Variants in PRP4K observed in about 807,000 individuals in gnomAD.
PRP4K encodes serine/threonine-protein kinase PRP4 homolog.
the PRP4K span, chr6:4,044,043 G>C: frequency 6.2e-7 from 1 of 1,603,448 alleles, no homozygotes; most frequent in Non-Finnish European, 8.5e-7. Flanking sequence ...TTTTGTCCTG[G>C]CGACGCTTTT....
the PRP4K span, among the ~76,000 whole-genome samples, chr6:4,054,460 A>AT: frequency 0.6 from 91,010 of 151,910 alleles, 28,873 homozygotes; most frequent in East Asian, 0.77. Context: ...TGGTAGGTAC[A>AT]TTAAAAATGA....
chr6:4,058,171 C>T, the PRP4K span, among the ~76,000 whole-genome samples: 1 of 152,086 alleles, frequency 6.6e-6, no homozygotes, highest in Non-Finnish European at 1.5e-5. Context: ...CCACCACAAC[C>T]AGTTAATTTA....
chr6:4,028,978 T>C, the PRP4K span, among the ~76,000 whole-genome samples: 1 of 140,628 alleles, frequency 7.1e-6, no homozygotes, highest in Non-Finnish European at 1.6e-5. Flanking sequence ...CCATATATTA[T>C]CTTGTTATCT....
At chr6:4,021,368 C>G in the PRP4K span, 2 of 1,552,618 alleles carry the variant, frequency 1.3e-6, no homozygotes, top group East Asian at 2.4e-5. Context: ...TCCACTTCCC[C>G]TACCCTCCAC....
the PRP4K span, among the ~76,000 whole-genome samples, chr6:4,054,695 G>A: frequency 2.0e-5 from 3 of 152,074 alleles, no homozygotes; most frequent in African/African-American, 7.2e-5. Flanking sequence ...TAGTAGAGAC[G>A]GGGTTTCACC....
the PRP4K span, among the ~76,000 whole-genome samples, chr6:4,028,199 G>A: frequency 6.6e-6 from 1 of 151,988 alleles, no homozygotes; most frequent in African/African-American, 2.4e-5. Flanking sequence ...TTTGTTTTTT[G>A]TGTGTGTTTG....
chr6:4,032,749 C>T, the PRP4K span: 1 of 1,565,898 alleles, frequency 6.4e-7, no homozygotes, highest in Non-Finnish European at 8.6e-7. Flanking sequence ...CGACTTTCTT[C>T]TCCAAGGTAA....
chr6:4,059,428 C>G, the PRP4K span, among the ~76,000 whole-genome samples: 1 of 152,148 alleles, frequency 6.6e-6, no homozygotes, highest in Middle Eastern at 3.2e-3. Flanking sequence ...TCTGTATGAG[C>G]CTTTTGAAAA....
chr6:4,043,361 CA>C, the PRP4K span, among the ~76,000 whole-genome samples: 1 of 152,140 alleles, frequency 6.6e-6, no homozygotes, highest in Non-Finnish European at 1.5e-5. Context: ...TGCTCAGGTC[CA>C]CAACCCCTTA....
the PRP4K span, chr6:4,053,001 A>G: frequency 3.8e-6 from 3 of 799,874 alleles, no homozygotes; most frequent in African/African-American, 5.4e-5. Context: ...ACCTATTTCA[A>G]ATGACTAATA....
At chr6:4,042,550 A>C in the PRP4K span, 32 of 1,607,822 alleles carry the variant, frequency 2.0e-5, no homozygotes, top group Non-Finnish European at 2.7e-5. Flanking sequence ...GAAGAATCCA[A>C]AGGCAGGCAA....
At chr6:4,052,943 A>G in the PRP4K span, 1 of 1,372,460 alleles carries the variant, frequency 7.3e-7, no homozygotes, top group Non-Finnish European at 9.8e-7. Context: ...CAGTAATATT[A>G]TTACTATGAG....
the PRP4K span, chr6:4,049,657 G>T: frequency 2.1e-6 from 3 of 1,410,988 alleles, no homozygotes; most frequent in South Asian, 2.6e-5. Flanking sequence ...ATTTTTAAAT[G>T]ACTGCACTGT....
At chr6:4,030,513 G>C in the PRP4K span, among the ~76,000 whole-genome samples, 1 of 152,176 alleles carries the variant, frequency 6.6e-6, no homozygotes, top group Non-Finnish European at 1.5e-5. Context: ...CTTTTAAAGA[G>C]AAAGTTAAAT....
At chr6:4,049,110 A>T in the PRP4K span, 7 of 1,600,654 alleles carry the variant, frequency 4.4e-6, no homozygotes, top group Non-Finnish European at 6.0e-6. Flanking sequence ...TATTATCGTA[A>T]GTTCACATTT....
chr6:4,058,673 TTAG>T, the PRP4K span: 4 of 1,244,622 alleles, frequency 3.2e-6, no homozygotes, highest in Non-Finnish European at 3.5e-6. Context: ...AATTAAATTG[TTAG>T]TAGGCCTGTT....
the PRP4K span, chr6:4,056,267 T>G: frequency 1.6e-6 from 2 of 1,253,766 alleles, no homozygotes; most frequent in Non-Finnish European, 1.1e-6. Flanking sequence ...TTTTATTTAT[T>G]TGTATTAATT....
the PRP4K span, among the ~76,000 whole-genome samples, chr6:4,040,487 A>G: frequency 1.3e-5 from 2 of 152,212 alleles, no homozygotes; most frequent in Non-Finnish European, 2.9e-5. Context: ...GTTCAAGTTC[A>G]TATCCATGGG....
At chr6:4,047,057 A>T in the PRP4K span, 1 of 763,062 alleles carries the variant, frequency 1.3e-6, no homozygotes, top group African/African-American at 1.7e-5. Flanking sequence ...TACTGTTGGG[A>T]AACTGATGTG....
Sources: gnomAD v4.1 joint callset for allele counts (sites outside exome capture counted in the v4.1 genomes callset) on GRCh38, gnomAD v4.1.1 for gene constraint, MANE v1.5 for transcripts, NCBI Gene and HGNC (gene_info 2026-07-23, HGNC 2026-07-21) for gene names.